The following ZBTB20 variants were observed in gnomAD, a reference collection of about 807,000 sequenced individuals.
ZBTB20 encodes the protein zinc finger and BTB domain containing 20, also known as zinc finger and BTB domain-containing protein 20.
ZBTB20 carries 9 observed loss-of-function variants against 56.9 expected under a neutral mutation model. The ratio of observed to expected loss-of-function variants is 0.16; its 90% CI spans 0.10 to 0.28. The LOEUF (loss-of-function observed/expected upper bound fraction) is 0.28. Among genes scored for constraint, ZBTB20 ranks in the 10% least tolerant of loss-of-function variants. The pLI is 1.00. For synonymous variants in ZBTB20, 417 were observed against 420.7 expected, an observed-to-expected ratio of 0.99 and a Z score of 0.11; for missense variants, 655 against 1,003.0, an observed-to-expected ratio of 0.65 and a Z score of 4.69.
intron 6 of ZBTB20, among the ~76,000 whole-genome samples, chr3:114,596,898 T>A (rs1284651841): frequency 1.3e-5 from 2 of 152,190 alleles, no homozygotes; most frequent in Non-Finnish European, 1.5e-5. Flanking sequence ...ACCAAAGCAC[T>A]CAAACACTTT....
chr3:114,510,972 G>A (rs780130447), intron 6 of ZBTB20, among the ~76,000 whole-genome samples: 1 of 151,330 alleles, frequency 6.6e-6, no homozygotes, highest in Non-Finnish European at 1.5e-5. Flanking sequence ...ACTCTAAGAT[G>A]ATCACTGTTT....
At chr3:114,551,450 G>C (rs1406669780) in intron 6 of ZBTB20, among the ~76,000 whole-genome samples, 1 of 152,172 alleles carries the variant, frequency 6.6e-6, no homozygotes, top group African/African-American at 2.4e-5. Context: ...TGGGCGGGTG[G>C]TATATACAAG....
chr3:114,835,660 T>G (rs1024465695), intron 4 of ZBTB20, among the ~76,000 whole-genome samples: 2 of 152,178 alleles, frequency 1.3e-5, no homozygotes, highest in Non-Finnish European at 1.5e-5. Context: ...CAGTTTCATA[T>G]TTTAGTATTT....
At chr3:115,142,327 T>C (rs1259638905) in intron 1 of ZBTB20, among the ~76,000 whole-genome samples, 1 of 152,140 alleles carries the variant, frequency 6.6e-6, no homozygotes, top group African/African-American at 2.4e-5. Context: ...GTCTTACTTT[T>C]TAACATTCAA....
At chr3:114,472,569 G>A (rs924846538) in intron 7 of ZBTB20, among the ~76,000 whole-genome samples, 8 of 152,152 alleles carry the variant, frequency 5.3e-5, no homozygotes, top group East Asian at 1.9e-4. Context: ...TTAGCCGGGC[G>A]TGGTGGTGCA....
chr3:115,024,187 T>TA (rs1383128546), intron 2 of ZBTB20, among the ~76,000 whole-genome samples: 1 of 151,052 alleles, frequency 6.6e-6, no homozygotes, highest in African/African-American at 2.4e-5. Flanking sequence ...TTCTTCCTTG[T>TA]AATAATCTTG....
chr3:114,591,352 T>A (rs550126928), intron 6 of ZBTB20, among the ~76,000 whole-genome samples: 1 of 152,324 alleles, frequency 6.6e-6, no homozygotes, highest in South Asian at 2.1e-4. Flanking sequence ...ACACTCTTGA[T>A]AAACTTTCTA....
intron 3 of ZBTB20, among the ~76,000 whole-genome samples, chr3:114,963,388 T>C (rs2077526831): frequency 6.6e-6 from 1 of 152,188 alleles, no homozygotes. Context: ...GTGTACTGTA[T>C]ACTCAGTGCT....
chr3:114,600,508 C>T (rs922309065), intron 6 of ZBTB20, among the ~76,000 whole-genome samples: 5 of 151,998 alleles, frequency 3.3e-5, no homozygotes, highest in Non-Finnish European at 5.9e-5. Flanking sequence ...TTATCCCACA[C>T]ATTATGATAT....
chr3:114,601,125 T>C (rs1294495235), intron 6 of ZBTB20, among the ~76,000 whole-genome samples: 1 of 152,062 alleles, frequency 6.6e-6, no homozygotes, highest in Non-Finnish European at 1.5e-5. Flanking sequence ...TTAACTGTGT[T>C]AGCTTTCTTA....
intron 7 of ZBTB20, among the ~76,000 whole-genome samples, chr3:114,397,223 G>A (rs888919648): frequency 6.6e-5 from 10 of 152,090 alleles, no homozygotes; most frequent in African/African-American, 2.2e-4. Context: ...CATGCTACCT[G>A]GACCTATGCT....
rs560992893 is a variant in ZBTB20, at chr3:115,051,060, G to A, written c.-507+20159C>T. ...TTATTTAAATTATTAATGATTTAAC[G>A]GAAATTTTATAATACTAAAACTTAA... On this transcript the variant is annotated intron_variant, in intron 2 of 11. Transcript: ENST00000675478. Among the ~76,000 whole-genome samples the A allele has an allele frequency of 5.3e-5, 8 of 152,022 alleles. No individual in the cohort carries two copies. The East Asian group carries it at 1.3e-3, about 26-fold the overall frequency.
At chr3:114,754,161 C>T (rs562335721) in intron 5 of ZBTB20, among the ~76,000 whole-genome samples, 6 of 152,234 alleles carry the variant, frequency 3.9e-5, no homozygotes, top group African/African-American at 9.6e-5. Context: ...GCCTCACCTG[C>T]GAACTGGGGA....
intron 7 of ZBTB20, among the ~76,000 whole-genome samples, chr3:114,474,896 T>C (rs981733946): frequency 2.0e-5 from 3 of 152,274 alleles, no homozygotes; most frequent in Admixed American, 2.0e-4. Flanking sequence ...TGATCTTGTG[T>C]CCTCTGGTCT....
chr3:114,501,362 C>T (rs1015802585), intron 6 of ZBTB20, among the ~76,000 whole-genome samples: 12 of 152,080 alleles, frequency 7.9e-5, no homozygotes, highest in Non-Finnish European at 1.2e-4. Context: ...CGGTGGCTCA[C>T]GCCTGTAAAT....
chr3:114,614,458 G>C (rs1442384608), intron 6 of ZBTB20, among the ~76,000 whole-genome samples: 1 of 152,156 alleles, frequency 6.6e-6, no homozygotes, highest in Non-Finnish European at 1.5e-5. Flanking sequence ...ATCTCTTCAA[G>C]CTTCCTTTCC....
Position 114,320,650 on chromosome 3 carries a change from T to G in ZBTB20, c.*18355A>C, listed in dbSNP as rs1272643495. On this transcript the variant is annotated 3_prime_UTR_variant, in exon 12 of 12. Transcript: ENST00000675478. ...CTTTTACTCCCTAGTTCTTTATATC[T>G]TTAAAATGAACAAATTTGTTTTTAT... 2 of 152,162 alleles carry G rather than the reference T, an allele frequency of 1.3e-5. No individual in the cohort carries two copies. The highest frequency in any genetic ancestry group is 4.8e-5 in the African/African-American group (2 of 41,458). The allele number at this position is 152,162 out of a possible 1,614,324, so 9.4% of individuals were successfully genotyped here. A position where few individuals can be genotyped will look rare whatever the true frequency, so the allele number is the denominator to read the frequency against.
At chr3:114,712,545 C>T (rs562455271) in intron 5 of ZBTB20, among the ~76,000 whole-genome samples, 27 of 150,774 alleles carry the variant, frequency 1.8e-4, no homozygotes, top group East Asian at 7.9e-4. Context: ...CCCAGCTACT[C>T]GGGAAGCTGA....
chr3:114,889,578 AAATG>A (rs2076729554), intron 4 of ZBTB20, among the ~76,000 whole-genome samples: 1 of 152,110 alleles, frequency 6.6e-6, no homozygotes, highest in Non-Finnish European at 1.5e-5. Flanking sequence ...AATTTGCATT[AAATG>A]AATGAGTGAA....
Sources: gnomAD v4.1 joint callset for allele counts (sites outside exome capture counted in the v4.1 genomes callset) on GRCh38, gnomAD v4.1.1 for gene constraint, MANE v1.5 for transcripts, NCBI Gene and HGNC (gene_info 2026-07-23, HGNC 2026-07-21) for gene names.